The following SLC44A5 variants were observed in gnomAD, a reference collection of about 807,000 sequenced individuals.
SLC44A5 encodes the protein solute carrier family 44 member 5.
SLC44A5 carries 57 observed loss-of-function variants against 101.8 expected under a neutral mutation model. The ratio of observed to expected loss-of-function variants is 0.56; its 90% CI spans 0.45 to 0.70. The LOEUF (loss-of-function observed/expected upper bound fraction) is 0.70. Among genes scored for constraint, SLC44A5 ranks in the 30% least tolerant of loss-of-function variants. The pLI is 0.00. For synonymous variants in SLC44A5, 281 were observed against 290.9 expected, an observed-to-expected ratio of 0.97 and a Z score of 0.35; for missense variants, 737 against 853.1, an observed-to-expected ratio of 0.86 and a Z score of 1.70.
chr1:75,373,392 C>A (rs1306625343), intron 3 of SLC44A5, among the ~76,000 whole-genome samples: 1 of 152,042 alleles, frequency 6.6e-6, no homozygotes, highest in Non-Finnish European at 1.5e-5. Context: ...AAATACAACC[C>A]TCTGGGATCC....
chr1:75,505,830 TG>T (rs1201568213), intron 2 of SLC44A5, among the ~76,000 whole-genome samples: 5 of 152,210 alleles, frequency 3.3e-5, no homozygotes, highest in Admixed American at 6.5e-5. Context: ...TAGTTTCTTT[TG>T]TTGTGCAAAA....
chr1:75,318,380 AAAGAAAGAAAGAAAG>A (rs1350367959), intron 4 of SLC44A5, among the ~76,000 whole-genome samples: 1 of 80,158 alleles, frequency 1.2e-5, no homozygotes, highest in Non-Finnish European at 3.1e-5. Context: ...TGAAAGAAAG[AAAGAAAGAAAGAAAG>A]AAAGAAAGAA....
At chr1:75,550,383 G>C (rs1271386740) in intron 1 of SLC44A5, among the ~76,000 whole-genome samples, 1 of 152,050 alleles carries the variant, frequency 6.6e-6, no homozygotes, top group Non-Finnish European at 1.5e-5. Context: ...GCTTCCAGGG[G>C]CTGGAGGATG....
intron 2 of SLC44A5, among the ~76,000 whole-genome samples, chr1:75,464,605 C>T (rs1557812566): frequency 6.6e-6 from 1 of 151,824 alleles, no homozygotes; most frequent in Non-Finnish European, 1.5e-5. Flanking sequence ...AATATACTGA[C>T]TGAATGGATG....
intron 3 of SLC44A5, among the ~76,000 whole-genome samples, chr1:75,354,180 C>T (rs1043269905): frequency 6.6e-5 from 10 of 152,198 alleles, no homozygotes; most frequent in African/African-American, 2.4e-4. Flanking sequence ...TTCCCTTGAT[C>T]ATCCTAGTGC....
At chr1:75,700,006 C>T in the SLC44A5 span, among the ~76,000 whole-genome samples, 1 of 152,052 alleles carries the variant, frequency 6.6e-6, no homozygotes, top group Admixed American at 6.6e-5. Flanking sequence ...ATTCATAAAG[C>T]AAGTCCTGAG....
In SLC44A5 at chr1:75,203,491, AT is replaced by A. The variant is rs1646696351; in HGVS notation, c.*235del. 2.9e-6 allele frequency: 1 copy of A among 340,808 alleles called. No homozygotes were observed. The highest frequency in any genetic ancestry group is 5.2e-6 in the Non-Finnish European group (1 of 190,794). The allele number at this position is 340,808 out of a possible 1,614,324, so 21.1% of individuals were successfully genotyped here. On this transcript the variant is annotated 3_prime_UTR_variant, in exon 24 of 24. Coordinates refer to ENST00000370859, the MANE Select transcript of SLC44A5 (RefSeq NM_001130058.2). ...CATCCAAGCCACTCTTTAAAAACGAATTACAAAACAAATGATCTTAGTATAA... is the reference window on the plus strand; with the variant it reads ...CATCCAAGCCACTCTTTAAAAACGAATACAAAACAAATGATCTTAGTATAA...
intron 3 of SLC44A5, among the ~76,000 whole-genome samples, chr1:75,385,352 A>G (rs4949848): frequency 0.61 from 88,750 of 144,776 alleles, 28,497 homozygotes; most frequent in East Asian, 0.96. Context: ...TCAAATAGAC[A>G]CAATAAAAAA....
intron 2 of SLC44A5, among the ~76,000 whole-genome samples, chr1:75,446,459 G>A (rs1055239640): frequency 2.2e-4 from 34 of 151,894 alleles, no homozygotes; most frequent in Non-Finnish European, 2.4e-4. Context: ...TCACCTCTTC[G>A]AGCTTACATT....
chr1:75,722,661 G>A, the SLC44A5 span, among the ~76,000 whole-genome samples: 1 of 152,316 alleles, frequency 6.6e-6, no homozygotes, highest in South Asian at 2.1e-4. Context: ...TGGAAGCTCT[G>A]TGGCTGCCTT....
At chr1:75,433,493 C>T (rs1020109024) in intron 2 of SLC44A5, among the ~76,000 whole-genome samples, 7 of 152,160 alleles carry the variant, frequency 4.6e-5, no homozygotes, top group African/African-American at 1.4e-4. Context: ...TGAAAACTCA[C>T]TGATGGCACA....
the SLC44A5 span, among the ~76,000 whole-genome samples, chr1:75,706,731 C>T: frequency 1.3e-5 from 2 of 152,078 alleles, no homozygotes; most frequent in East Asian, 3.9e-4. Context: ...TGATGTTTAT[C>T]TGATTTCTGT....
intron 2 of SLC44A5, among the ~76,000 whole-genome samples, chr1:75,482,191 G>A (rs893091475): frequency 1.3e-5 from 2 of 150,402 alleles, no homozygotes; most frequent in East Asian, 2.0e-4. Flanking sequence ...AACACCACAT[G>A]TTCTCACTCA....
At chr1:75,208,168 T>C (rs1646784920) in intron 23 of SLC44A5, among the ~76,000 whole-genome samples, 1 of 152,158 alleles carries the variant, frequency 6.6e-6, no homozygotes, top group African/African-American at 2.4e-5. Flanking sequence ...GTTTTTTGTT[T>C]GTTTGTTTGA....
At chr1:75,281,990 GA>G (rs1652635325) in intron 5 of SLC44A5, among the ~76,000 whole-genome samples, 1 of 152,172 alleles carries the variant, frequency 6.6e-6, no homozygotes, top group South Asian at 2.1e-4. Context: ...GCTGTTAGAA[GA>G]GGCCCACCAT....
At chr1:75,556,054 TG>T (rs1355946580) in intron 1 of SLC44A5, among the ~76,000 whole-genome samples, 1 of 152,006 alleles carries the variant, frequency 6.6e-6, no homozygotes, top group Non-Finnish European at 1.5e-5. Flanking sequence ...TGAGTGATGG[TG>T]TAGAAGGAGG....
At chr1:75,429,907 C>T (rs1312644231) in intron 2 of SLC44A5, among the ~76,000 whole-genome samples, 2 of 152,170 alleles carry the variant, frequency 1.3e-5, no homozygotes, top group Non-Finnish European at 2.9e-5. Flanking sequence ...AACATCCAAA[C>T]CATATCAACA....
the SLC44A5 span, among the ~76,000 whole-genome samples, chr1:75,655,524 G>A: frequency 3.9e-5 from 6 of 152,110 alleles, no homozygotes; most frequent in African/African-American, 7.2e-5. Context: ...GCAAGCTCTC[G>A]TACTACACTG....
At chr1:75,339,550 A>G in intron 4 of SLC44A5, 32 bp downstream of exon 4, 1 of 1,582,428 alleles carries the variant, frequency 6.3e-7, no homozygotes, top group Non-Finnish European at 8.6e-7. Flanking sequence ...GTATGTTTAA[A>G]AAAGCATATT....
Sources: allele counts gnomAD v4.1 joint callset (sites outside exome capture counted in the v4.1 genomes callset), GRCh38; gene constraint gnomAD v4.1.1; transcripts MANE v1.5; gene names NCBI Gene and HGNC (gene_info 2026-07-23, HGNC 2026-07-21).